Variants in CDH8 observed in about 807,000 individuals in gnomAD.
The protein encoded by CDH8 is cadherin 8, also known as cadherin-8.
Under a neutral mutation model 68.1 loss-of-function variants are expected in CDH8, and 17 were observed. The observed-to-expected ratio is 0.25, with a 90% CI of 0.17 to 0.37. The LOEUF (loss-of-function observed/expected upper bound fraction) is 0.37. Among genes scored for constraint, CDH8 ranks in the 10% least tolerant of loss-of-function variants. CDH8 has a pLI of 1.00. For synonymous variants in CDH8, 372 were observed against 365.1 expected (o/e 1.02, Z -0.21); for missense variants, 763 against 999.3 (o/e 0.76, Z 3.19).
At chr16:61,937,529 A>C (rs1382529176) in intron 2 of CDH8, among the ~76,000 whole-genome samples, 1 of 152,198 alleles carries the variant, frequency 6.6e-6, no homozygotes, top group African/African-American at 2.4e-5. Context: ...CACTTTTCTC[A>C]GTCTCTGGAA....
chr16:61,961,926 A>C (rs1030813598), intron 2 of CDH8, among the ~76,000 whole-genome samples: 4 of 152,202 alleles, frequency 2.6e-5, no homozygotes, highest in Non-Finnish European at 4.4e-5. Flanking sequence ...TGACTCCCCC[A>C]AAAAACTTAA....
intron 2 of CDH8, among the ~76,000 whole-genome samples, chr16:61,931,605 C>A (rs938801053): frequency 6.6e-6 from 1 of 152,110 alleles, no homozygotes; most frequent in Non-Finnish European, 1.5e-5. Context: ...TATTAGAAAC[C>A]CCCACTTTCC....
At chr16:61,887,029 C>A (rs899252953) in intron 3 of CDH8, among the ~76,000 whole-genome samples, 3 of 152,194 alleles carry the variant, frequency 2.0e-5, no homozygotes, top group Non-Finnish European at 4.4e-5. Context: ...GGGTTGATGA[C>A]TACACAATAT....
intron 2 of CDH8, among the ~76,000 whole-genome samples, chr16:61,982,336 C>T (rs965484874): frequency 1.1e-4 from 17 of 152,148 alleles, no homozygotes; most frequent in African/African-American, 3.6e-4. Context: ...TCTCCTGCCT[C>T]AGTCTCGCGA....
chr16:61,986,836 G>T (rs1176232089), intron 2 of CDH8, among the ~76,000 whole-genome samples: 2 of 152,158 alleles, frequency 1.3e-5, no homozygotes, highest in African/African-American at 4.8e-5. Flanking sequence ...GAATCAAGAA[G>T]AGGCATCAGG....
rs1412395890 is a variant in CDH8, at chr16:62,021,153, C to T, written c.251G>A (p.Arg84Gln). ...TGAGATCTTAAAAACAAAGCTTACC[C>T]GGCCAACAAGAATCGGTTCAGGTCC... is the stretch of plus-strand genomic sequence containing the variant. The part of the protein sequence containing the change: ...FSGPEPILVG[R>Q]LHTDLDPGSK... Residue 84 changes from arginine to glutamine, a missense_variant and splice_region_variant, in exon 2 of 12, where the codon CGG (arginine) becomes CAG (glutamine). Coordinates refer to ENST00000577390, the MANE Select transcript of CDH8 (RefSeq NM_001796.5). 4.3e-6 allele frequency: 7 copies of T among 1,613,366 alleles called. No individual in the cohort carries two copies. The highest frequency in any genetic ancestry group is 1.3e-5 in the African/African-American group (1 of 74,840).
Position 61,734,057 on chromosome 16 carries a change from T to C in CDH8, c.1415-6842A>G, listed in dbSNP as rs558287639. 3.2e-4 allele frequency among the ~76,000 whole-genome samples: 49 copies of C among 152,194 alleles called. 1 individual carries two copies. In the South Asian group the frequency reaches 9.9e-3, roughly 31 times the overall value. On this transcript the variant is annotated intron_variant, in intron 8 of 11. Transcript: ENST00000577390. Reference sequence around the variant, plus strand: ...TAAGTACTCTTCTATGTGCCTTCAATATAAGAAAAAGCAAACAGAGATAAA... The same window carrying C: ...TAAGTACTCTTCTATGTGCCTTCAACATAAGAAAAAGCAAACAGAGATAAA...
intron 10 of CDH8, among the ~76,000 whole-genome samples, chr16:61,659,390 C>T (rs772484284): frequency 5.0e-4 from 76 of 152,268 alleles, no homozygotes; most frequent in Non-Finnish European, 5.1e-4. Flanking sequence ...GCCAAGAACA[C>T]AGGGGTCCCT....
At chr16:62,007,131 C>T (rs1670374465) in intron 2 of CDH8, among the ~76,000 whole-genome samples, 1 of 152,108 alleles carries the variant, frequency 6.6e-6, no homozygotes, top group South Asian at 2.1e-4. Flanking sequence ...TGGTCTTGAA[C>T]TCCTGACCTC....
intron 2 of CDH8, among the ~76,000 whole-genome samples, chr16:61,992,879 C>T (rs938900036): frequency 6.6e-6 from 1 of 152,044 alleles, no homozygotes; most frequent in African/African-American, 2.4e-5. Context: ...TCCTTGACCT[C>T]CTGGGCTCAT....
intron 2 of CDH8, among the ~76,000 whole-genome samples, chr16:61,934,661 T>C (rs966532477): frequency 6.6e-6 from 1 of 152,104 alleles, no homozygotes; most frequent in Non-Finnish European, 1.5e-5. Context: ...ATGAGTACAA[T>C]GACTCTTTCC....
chr16:61,974,555 G>C (rs1301143285), intron 2 of CDH8, among the ~76,000 whole-genome samples: 2 of 152,124 alleles, frequency 1.3e-5, no homozygotes, highest in African/African-American at 4.8e-5. Flanking sequence ...CACAGCCTTT[G>C]GGAAGCCTAG....
intron 10 of CDH8, among the ~76,000 whole-genome samples, chr16:61,668,136 T>C (rs771957417): frequency 1.3e-5 from 2 of 152,014 alleles, no homozygotes; most frequent in Non-Finnish European, 2.9e-5. Flanking sequence ...CTATACTCTA[T>C]AGATCTAAAT....
chr16:61,932,221 A>G (rs1964555984), intron 2 of CDH8, among the ~76,000 whole-genome samples: 2 of 151,364 alleles, frequency 1.3e-5, no homozygotes, highest in Non-Finnish European at 2.9e-5. Context: ...AAAAAAAAAA[A>G]AGAAAAGAAA....
chr16:61,881,182 A>G (rs1253207671), intron 3 of CDH8, among the ~76,000 whole-genome samples: 1 of 152,192 alleles, frequency 6.6e-6, no homozygotes, highest in Non-Finnish European at 1.5e-5. Context: ...CTATGAGATA[A>G]TAAGTGTGTG....
At chr16:62,022,686 A>G (rs1337209335) in intron 1 of CDH8, among the ~76,000 whole-genome samples, 1 of 152,150 alleles carries the variant, frequency 6.6e-6, no homozygotes, top group Non-Finnish European at 1.5e-5. Flanking sequence ...AAAGGGGAGG[A>G]AACCTTTCAC....
chr16:61,926,193 A>G (rs944697396), intron 2 of CDH8, among the ~76,000 whole-genome samples: 34 of 137,364 alleles, frequency 2.5e-4, no homozygotes, highest in Admixed American at 2.0e-3. Context: ...GTGTGTGTGT[A>G]TACATTTACC....
At chr16:62,035,363 T>C (rs1158892022) in intron 1 of CDH8, among the ~76,000 whole-genome samples, 1 of 151,996 alleles carries the variant, frequency 6.6e-6, no homozygotes, top group Non-Finnish European at 1.5e-5. Flanking sequence ...GCACGCAATC[T>C]CGAGTTGCGG....
At chr16:61,917,220 GT>G (rs36071085) in intron 2 of CDH8, among the ~76,000 whole-genome samples, 48,757 of 151,464 alleles carry the variant, frequency 0.32, 8,109 homozygotes, top group African/African-American at 0.4. Context: ...TATAGGTAAG[GT>G]TTTTTTAAAA....
Sources: allele counts gnomAD v4.1 joint callset (sites outside exome capture counted in the v4.1 genomes callset), GRCh38; gene constraint gnomAD v4.1.1; transcripts MANE v1.5; gene names NCBI Gene and HGNC (gene_info 2026-07-23, HGNC 2026-07-21).